The following ITPR2 variants were observed in gnomAD, a reference collection of about 807,000 sequenced individuals.
ITPR2 encodes inositol 1,4,5-trisphosphate receptor type 2, also known as inositol 1,4,5-trisphosphate-gated calcium channel ITPR2.
ITPR2 carries 207 observed loss-of-function variants against 317.1 expected under a neutral mutation model. The ratio of observed to expected loss-of-function variants is 0.65; its 90% CI spans 0.58 to 0.73. The LOEUF (loss-of-function observed/expected upper bound fraction) is 0.73. Ranked by LOEUF, ITPR2 falls within the 30% of genes least tolerant of loss-of-function variation. ITPR2 has a pLI of 0.00. For missense variants in ITPR2, 2,613 were observed against 3,284.0 expected (o/e 0.80, Z 4.99); for synonymous variants, 1,156 against 1,149.1 (o/e 1.01, Z -0.12).
At chr12:26,782,040 A>ATATATAT (rs1565760162) in intron 2 of ITPR2, among the ~76,000 whole-genome samples, 1 of 24,764 alleles carries the variant, frequency 4.0e-5, no homozygotes, top group African/African-American at 1.5e-4. Context: ...ATATGTATAG[A>ATATATAT]GAGAGAGAGA....
In ITPR2 at chr12:26,336,429, C is replaced by T. The variant is rs1458904637; in HGVS notation, c.*2968G>A. 5 of 152,118 alleles carry T rather than the reference C, an allele frequency of 3.3e-5. No individual in the cohort carries two copies. Among genetic ancestry groups the T allele is most frequent in the African/African-American group, 1.2e-4 (5 of 41,424 alleles). 9.4% of individuals were successfully genotyped at this position (152,118 alleles called of 1,614,324 possible). A position where few individuals can be genotyped will look rare whatever the true frequency, so the allele number is the denominator to read the frequency against. On this transcript the variant is annotated 3_prime_UTR_variant, in exon 57 of 57. Coordinates refer to ENST00000381340, the MANE Select transcript of ITPR2 (RefSeq NM_002223.4). ...ATTAACAATCTACTAGAAATTGTGT[C>T]CTCTTTACCAACAGAAAAATATTGA...
chr12:26,516,280 G>GGAAAGGAAA (rs1565574580), intron 37 of ITPR2, among the ~76,000 whole-genome samples: 9 of 45,162 alleles, frequency 2.0e-4, no homozygotes, highest in African/African-American at 6.8e-4. Context: ...AGGAAGGGAA[G>GGAAAGGAAA]GGAAGGGAAA....
intron 55 of ITPR2, among the ~76,000 whole-genome samples, chr12:26,347,416 G>T (rs1033737586): frequency 6.6e-6 from 1 of 152,104 alleles, no homozygotes; most frequent in African/African-American, 2.4e-5. Flanking sequence ...CTACCAAATG[G>T]CAGGCACTTT....
chr12:26,785,935 AC>A (rs2137199546), intron 2 of ITPR2, among the ~76,000 whole-genome samples: 1 of 51,646 alleles, frequency 1.9e-5, no homozygotes, highest in Non-Finnish European at 4.4e-5. Context: ...CCCGGCCAGG[AC>A]CCCGTCTGGG....
intron 8 of ITPR2, 73 bp from the exon 9 acceptor site, chr12:26,711,341 A>G: frequency 2.0e-6 from 2 of 978,054 alleles, no homozygotes; most frequent in Non-Finnish European, 1.7e-6. Context: ...AACAGTTTAC[A>G]TGCCTGCCCT....
intron 55 of ITPR2, among the ~76,000 whole-genome samples, chr12:26,341,557 A>G (rs1306128137): frequency 1.3e-5 from 2 of 152,208 alleles, no homozygotes; most frequent in Non-Finnish European, 2.9e-5. Flanking sequence ...CCCTACCCCC[A>G]ATGGCAGTGA....
intron 26 of ITPR2, among the ~76,000 whole-genome samples, chr12:26,614,226 C>T (rs886196327): frequency 2.6e-5 from 4 of 152,082 alleles, no homozygotes; most frequent in Middle Eastern, 3.4e-3. Context: ...TGAAACCTGA[C>T]CAGAGAGCTC....
rs756700418 is a variant in ITPR2, at chr12:26,621,240, A to T, written c.3345T>A (p.Asp1115Glu). The T allele has an allele frequency of 6.2e-7, 1 of 1,613,848 alleles. No homozygotes were observed. The highest frequency in any genetic ancestry group is 8.5e-7 in the Non-Finnish European group (1 of 1,179,808). ...CTACTGTCAGTCGAAGCTGGTCTAG[A>T]TCTGCCTTGATTTGCTTGTAGTTAT... ...DVDNYKQIKADLDQLRLTVEK... is the reference protein window; with the variant it reads ...DVDNYKQIKAELDQLRLTVEK... Residue 1115 changes from aspartate to glutamate, a missense_variant, in exon 26 of 57, where the codon GAT becomes GAA. Around this residue, in one of 9 missense-constraint regions of ITPR2, gnomAD observed 817 missense variants for 897.6 expected, o/e 0.91. Coordinates refer to ENST00000381340, the MANE Select transcript of ITPR2 (RefSeq NM_002223.4).
At chr12:26,547,702 C>T (rs1259668415) in intron 37 of ITPR2, among the ~76,000 whole-genome samples, 1 of 152,172 alleles carries the variant, frequency 6.6e-6, no homozygotes, top group African/African-American at 2.4e-5. Context: ...AATATATGTG[C>T]AATGGAATTT....
intron 9 of ITPR2, among the ~76,000 whole-genome samples, chr12:26,709,042 C>G (rs1948603296): frequency 6.6e-6 from 1 of 152,136 alleles, no homozygotes; most frequent in Admixed American, 6.5e-5. Context: ...GTGATTTGGC[C>G]ACACCTCTAG....
At chr12:26,612,868 C>T (rs1040320277) in intron 26 of ITPR2, among the ~76,000 whole-genome samples, 1 of 152,240 alleles carries the variant, frequency 6.6e-6, no homozygotes, top group East Asian at 1.9e-4. Flanking sequence ...TTGAACTTTA[C>T]TTCTCTTATT....
chr12:26,578,940 A>G (rs1280841925), intron 33 of ITPR2, 107 bp from the exon 34 acceptor site: 1 of 1,131,876 alleles, frequency 8.8e-7, no homozygotes, highest in South Asian at 2.0e-5. Flanking sequence ...ATAAAATACA[A>G]TCTTTCAAGT....
At chr12:26,624,490 A>C in intron 23 of ITPR2, 134 bp from the exon 24 acceptor site, 1 of 621,052 alleles carries the variant, frequency 1.6e-6, no homozygotes, top group Non-Finnish European at 2.8e-6. Context: ...ATTAACACTA[A>C]TAATCTGATT....
At chr12:26,479,202 T>G (rs1942490382) in intron 43 of ITPR2, among the ~76,000 whole-genome samples, 1 of 151,142 alleles carries the variant, frequency 6.6e-6, no homozygotes, top group Non-Finnish European at 1.5e-5. Context: ...TTTGGTATTT[T>G]GACTTATTCA....
intron 55 of ITPR2, among the ~76,000 whole-genome samples, chr12:26,374,762 A>C (rs554089991): frequency 2.6e-5 from 4 of 152,324 alleles, no homozygotes; most frequent in African/African-American, 9.6e-5. Context: ...TATTATTTCC[A>C]AAACATCTTG....
At chr12:26,391,920 G>A (rs941990127) in intron 54 of ITPR2, among the ~76,000 whole-genome samples, 2 of 152,024 alleles carry the variant, frequency 1.3e-5, no homozygotes, top group African/African-American at 4.8e-5. Context: ...ACTTCAAGTC[G>A]TTCCTGTGGC....
At chr12:26,724,940 C>T (rs1317860264) in intron 3 of ITPR2, among the ~76,000 whole-genome samples, 198 bp from the exon 4 acceptor site, 1 of 151,962 alleles carries the variant, frequency 6.6e-6, no homozygotes, top group Non-Finnish European at 1.5e-5. Flanking sequence ...CAGATTTTCA[C>T]GTCATATTCA....
At chr12:26,377,785 G>C (rs1939388510) in intron 55 of ITPR2, among the ~76,000 whole-genome samples, 1 of 152,136 alleles carries the variant, frequency 6.6e-6, no homozygotes, top group African/African-American at 2.4e-5. Context: ...ACATAAAATG[G>C]GTATAAATAA....
chr12:26,370,788 C>T (rs535913687), intron 55 of ITPR2, among the ~76,000 whole-genome samples: 37 of 152,310 alleles, frequency 2.4e-4, no homozygotes, highest in African/African-American at 8.9e-4. Context: ...GATTCTCCTG[C>T]CTCAGCCTCC....
Sources: gnomAD v4.1 joint callset for allele counts (sites outside exome capture counted in the v4.1 genomes callset) on GRCh38, gnomAD v4.1.1 for gene constraint, gnomAD v4.1.1 regional missense constraint, MANE v1.5 for transcripts, NCBI Gene and HGNC (gene_info 2026-07-23, HGNC 2026-07-21) for gene names.